Variants in GPC5 observed in about 807,000 individuals in gnomAD.
GPC5 encodes the protein glypican 5, also known as glypican-5.
A neutral mutation model predicts 53.9 loss-of-function variants in GPC5; 47 were observed. That is an observed-to-expected ratio of 0.87 (90% confidence interval 0.69 to 1.11). The LOEUF (loss-of-function observed/expected upper bound fraction) is 1.11, where lower values mean the gene tolerates loss of function less well. Among genes scored for constraint, GPC5 ranks in the 50% most tolerant of loss-of-function variants. The pLI, the probability that GPC5 is intolerant of heterozygous loss-of-function variation, is 0.00. For missense variants in GPC5, 748 were observed against 713.1 expected, an observed-to-expected ratio of 1.05 and a Z score of -0.56; for synonymous variants, 286 against 263.3, an observed-to-expected ratio of 1.09 and a Z score of -0.84.
intron 2 of GPC5, among the ~76,000 whole-genome samples, chr13:91,689,232 C>CATACAT (rs1466811276): frequency 2.1e-5 from 1 of 46,700 alleles, no homozygotes; most frequent in African/African-American, 8.7e-5. Flanking sequence ...TATATATATA[C>CATACAT]ACATATAAAA....
At chr13:91,815,760 T>G (rs1205083274) in intron 5 of GPC5, among the ~76,000 whole-genome samples, 2 of 152,180 alleles carry the variant, frequency 1.3e-5, no homozygotes, top group South Asian at 2.1e-4. Flanking sequence ...CCATTTCTGT[T>G]TCGTTTCCAC....
At chr13:92,269,451 G>T (rs1315279425) in intron 7 of GPC5, among the ~76,000 whole-genome samples, 17 of 151,898 alleles carry the variant, frequency 1.1e-4, no homozygotes, top group Admixed American at 1.1e-3. Flanking sequence ...TGTCGTCCAG[G>T]CTGGAGTGCA....
intron 5 of GPC5, among the ~76,000 whole-genome samples, chr13:91,796,419 C>T (rs1331920861): frequency 6.6e-6 from 1 of 152,154 alleles, no homozygotes; most frequent in African/African-American, 2.4e-5. Context: ...CTGGAACAAA[C>T]AGACCAGAAG....
intron 6 of GPC5, among the ~76,000 whole-genome samples, chr13:92,095,850 A>G (rs1227405287): frequency 3.9e-5 from 6 of 152,170 alleles, no homozygotes; most frequent in Non-Finnish European, 8.8e-5. Context: ...TATTATTTAA[A>G]AATCCACCTG....
rs371493805 is a variant in GPC5, at chr13:92,119,490, C to G, written c.1402-25340C>G. ...CTCGGCTCACTGCAGGCTCCGCCCC[C>G]CGGGGTTCACACCATTCTCCTGCCT... On this transcript the variant is annotated intron_variant, in intron 6 of 7. Transcript: ENST00000377067. 6.0e-5 allele frequency among the ~76,000 whole-genome samples: 9 copies of G among 149,246 alleles called. No homozygotes were observed. The East Asian group carries it at 1.8e-3, about 29-fold the overall frequency.
intron 7 of GPC5, among the ~76,000 whole-genome samples, chr13:92,848,763 AG>A (rs1444702835): frequency 1.4e-5 from 2 of 140,864 alleles, no homozygotes; most frequent in African/African-American, 2.6e-5. Context: ...AAGGACAAAA[AG>A]AACTGACATG....
chr13:92,196,161 A>G (rs1438377341), intron 7 of GPC5, among the ~76,000 whole-genome samples: 2 of 151,986 alleles, frequency 1.3e-5, no homozygotes, highest in African/African-American at 4.8e-5. Context: ...TATCCCCTTG[A>G]AAAAAAAGTA....
chr13:92,357,871 A>G (rs986741074), intron 7 of GPC5, among the ~76,000 whole-genome samples: 4 of 135,994 alleles, frequency 2.9e-5, no homozygotes, highest in Admixed American at 2.9e-4. Flanking sequence ...TTGACATGAG[A>G]TATGGGGGGG....
chr13:92,348,489 TTAA>T (rs1005407620), intron 7 of GPC5, among the ~76,000 whole-genome samples: 37 of 152,102 alleles, frequency 2.4e-4, no homozygotes, highest in African/African-American at 8.5e-4. Context: ...GTAAGAGACT[TTAA>T]TATATCACTT....
At chr13:92,151,874 A>T (rs2041909815) in intron 7 of GPC5, among the ~76,000 whole-genome samples, 1 of 152,208 alleles carries the variant, frequency 6.6e-6, no homozygotes, top group Non-Finnish European at 1.5e-5. Flanking sequence ...AGCTTAAAAA[A>T]TACTTCATAG....
At chr13:91,518,892 A>G (rs571603813) in intron 2 of GPC5, among the ~76,000 whole-genome samples, 1 of 152,288 alleles carries the variant, frequency 6.6e-6, no homozygotes, top group African/African-American at 2.4e-5. Context: ...AGTCAGGCTA[A>G]ACAATGAGCA....
intron 5 of GPC5, among the ~76,000 whole-genome samples, chr13:91,783,216 T>C (rs143023336): frequency 0.015 from 2,241 of 151,858 alleles, 42 homozygotes; most frequent in African/African-American, 0.043. Context: ...ATCGCTCCAC[T>C]GCACTCCAGC....
intron 7 of GPC5, among the ~76,000 whole-genome samples, chr13:92,426,257 C>T (rs1378046915): frequency 6.6e-6 from 1 of 152,058 alleles, no homozygotes; most frequent in Non-Finnish European, 1.5e-5. Flanking sequence ...GAAAGTCACT[C>T]TATATTATAC....
intron 7 of GPC5, among the ~76,000 whole-genome samples, chr13:92,588,997 T>G (rs3901971): frequency 0.98 from 149,342 of 152,280 alleles, 73,308 homozygotes; most frequent in East Asian, 1. Flanking sequence ...TCAGGTAAAG[T>G]TGAGGGGGGT....
intron 6 of GPC5, among the ~76,000 whole-genome samples, chr13:91,982,025 T>C (rs1333755211): frequency 2.0e-5 from 3 of 152,162 alleles, no homozygotes; most frequent in Non-Finnish European, 4.4e-5. Flanking sequence ...GTTCCTCGCT[T>C]GCTGTGGTTA....
At chr13:92,784,047 T>C (rs187957960) in intron 7 of GPC5, among the ~76,000 whole-genome samples, 4 of 152,292 alleles carry the variant, frequency 2.6e-5, no homozygotes, top group African/African-American at 7.2e-5. Flanking sequence ...AAAACTTTAA[T>C]TAAACTCCTC....
At chr13:92,741,896 C>A (rs1380446458) in intron 7 of GPC5, among the ~76,000 whole-genome samples, 1 of 152,106 alleles carries the variant, frequency 6.6e-6, no homozygotes, top group African/African-American at 2.4e-5. Context: ...TCATCCACGT[C>A]CCTACAAAGG....
chr13:92,003,180 G>A (rs181679064), intron 6 of GPC5, among the ~76,000 whole-genome samples: 1 of 151,880 alleles, frequency 6.6e-6, no homozygotes, highest in Non-Finnish European at 1.5e-5. Context: ...GCGTGGTGGT[G>A]CATACCTGTA....
intron 7 of GPC5, among the ~76,000 whole-genome samples, chr13:92,385,905 G>T (rs571309777): frequency 6.7e-6 from 1 of 149,960 alleles, no homozygotes; most frequent in Non-Finnish European, 1.5e-5. Context: ...AGTGACTCAC[G>T]TAAGCTTTAG....
Sources: gnomAD v4.1 joint callset for allele counts (sites outside exome capture counted in the v4.1 genomes callset) on GRCh38, gnomAD v4.1.1 for gene constraint, MANE v1.5 for transcripts, NCBI Gene and HGNC (gene_info 2026-07-23, HGNC 2026-07-21) for gene names.